Variants in INO80D observed in about 807,000 individuals in gnomAD.
INO80D encodes the protein INO80 complex subunit D.
INO80D carries 21 observed loss-of-function variants against 87.6 expected under a neutral mutation model. The ratio of observed to expected loss-of-function variants is 0.24; its 90% CI spans 0.17 to 0.35. The LOEUF is 0.35. INO80D is among the 10% of genes least tolerant of loss of function. The pLI is 1.00. For missense variants in INO80D, 982 were observed against 1,280.7 expected, an observed-to-expected ratio of 0.77 and a Z score of 3.56; for synonymous variants, 440 against 491.0, an observed-to-expected ratio of 0.90 and a Z score of 1.37.
Position 206,009,667 on chromosome 2 carries a change from C to A in INO80D, c.1670G>T (p.Arg557Leu), listed in dbSNP as rs756238431. The change falls in exon 9 of 11, where the codon CGA becomes CTA. Residue 557 changes from arginine to leucine, a missense_variant. Arg to Leu is a moderately radical substitution (Grantham distance 102). Transcript: ENST00000403263. ...TGCAGGTGGAATGGGTTTTTGGGGTCGACGAGGTCCACGCCTTCTCTTCTT... is the reference window on the plus strand; with the variant it reads ...TGCAGGTGGAATGGGTTTTTGGGGTAGACGAGGTCCACGCCTTCTCTTCTT... ...HKKKRRRGPR[R>L]PQKPIPPAVP... 1 of 1,613,912 alleles carries A rather than the reference C, an allele frequency of 6.2e-7. No individual in the cohort carries two copies. Among genetic ancestry groups the A allele is most frequent in the Non-Finnish European group, 8.5e-7 (1 of 1,179,888 alleles).
At chr2:206,038,172 C>G (rs1370130328) in intron 5 of INO80D, among the ~76,000 whole-genome samples, 1 of 152,168 alleles carries the variant, frequency 6.6e-6, no homozygotes, top group Non-Finnish European at 1.5e-5. Context: ...AAAGCCCTGA[C>G]TTGATCACTA....
At chr2:206,035,051 C>T (rs192997926) in intron 5 of INO80D, among the ~76,000 whole-genome samples, 1 of 152,174 alleles carries the variant, frequency 6.6e-6, no homozygotes, top group Non-Finnish European at 1.5e-5. Flanking sequence ...CGAAAGACCT[C>T]TACAAGGAAA....
Position 206,056,380 on chromosome 2 carries a change from T to C in INO80D, c.782A>G (p.Lys261Arg). 6.2e-7 allele frequency: 1 copy of C among 1,613,878 alleles called. No individual in the cohort carries two copies. Among genetic ancestry groups the C allele is most frequent in the Non-Finnish European group, 8.5e-7 (1 of 1,179,852 alleles). ...TIAQARQLSHKRPLPLLPSSR... is the reference protein window; with the variant it reads ...TIAQARQLSHRRPLPLLPSSR... ...GGATGGCAGGAGGGGCAGAGGCCTCTTGTGAGACAACTGCCGTGCTTGTGC... is the reference window on the plus strand; with the variant it reads ...GGATGGCAGGAGGGGCAGAGGCCTCCTGTGAGACAACTGCCGTGCTTGTGC... The change falls in exon 4 of 11, where the codon AAG (lysine) becomes AGG (arginine). Residue 261 changes from lysine (K) to arginine (R), a missense_variant. By Grantham distance (26) the Lys-to-Arg change is conservative. Transcript: ENST00000403263.
At chr2:206,043,786 G>A (rs565026006) in intron 5 of INO80D, among the ~76,000 whole-genome samples, 144 of 151,758 alleles carry the variant, frequency 9.5e-4, no homozygotes, top group African/African-American at 3.3e-3. Context: ...GTGCCTGGCC[G>A]AGGTAGGGCC....
In INO80D at chr2:206,003,205, C is replaced by A. The variant is rs1277047078; in HGVS notation, c.*1163G>T. 1 of 152,172 alleles carries A rather than the reference C, an allele frequency of 6.6e-6. No homozygotes were observed. The highest frequency in any genetic ancestry group is 2.4e-5 in the African/African-American group (1 of 41,450). 9.4% of individuals were successfully genotyped at this position (152,172 alleles called of 1,614,324 possible). On this transcript the variant is annotated 3_prime_UTR_variant, in exon 11 of 11. Coordinates refer to ENST00000403263, the MANE Select transcript of INO80D (RefSeq NM_017759.5). ...TGTGTATCCTTCAGATATTACACATCACTTCACAACTGGTACACTGATTCT... is the reference window on the plus strand; with the variant it reads ...TGTGTATCCTTCAGATATTACACATAACTTCACAACTGGTACACTGATTCT...
intron 3 of INO80D, among the ~76,000 whole-genome samples, chr2:206,061,994 C>T (rs1021666386): frequency 2.0e-5 from 3 of 152,104 alleles, no homozygotes; most frequent in African/African-American, 7.2e-5. Context: ...AAAAGAAGCA[C>T]AGAGAAGAGA....
At chr2:206,066,692 C>T (rs1275815905) in intron 1 of INO80D, among the ~76,000 whole-genome samples, 1 of 151,478 alleles carries the variant, frequency 6.6e-6, no homozygotes, top group Non-Finnish European at 1.5e-5. Context: ...GTAATCCCAG[C>T]TACTCGGGAG....
intron 3 of INO80D, among the ~76,000 whole-genome samples, chr2:206,057,731 G>A (rs1575861525): frequency 6.6e-6 from 1 of 151,992 alleles, no homozygotes; most frequent in East Asian, 1.9e-4. Flanking sequence ...TTGGGTGATG[G>A]TTGCACCAGG....
chr2:206,012,365 G>A (rs969439961), intron 8 of INO80D, among the ~76,000 whole-genome samples: 1 of 152,088 alleles, frequency 6.6e-6, no homozygotes, highest in Non-Finnish European at 1.5e-5. Context: ...ACACTCAAAA[G>A]TGAATTCAAT....
At chr2:206,067,056 T>G (rs1248293741) in intron 1 of INO80D, among the ~76,000 whole-genome samples, 1 of 150,662 alleles carries the variant, frequency 6.6e-6, no homozygotes, top group South Asian at 2.1e-4. Flanking sequence ...GAGACCAGCC[T>G]GGCCAACATG....
chr2:206,060,818 C>T (rs539229893), intron 3 of INO80D, among the ~76,000 whole-genome samples: 2 of 152,166 alleles, frequency 1.3e-5, no homozygotes, highest in East Asian at 3.9e-4. Context: ...CCTCGGCCTC[C>T]CAAAGTGCTG....
At chr2:206,007,821 C>CAA (rs200081611) in intron 9 of INO80D, 7 of 75,214 alleles carry the variant, frequency 9.3e-5, no homozygotes, top group Non-Finnish European at 1.5e-4. Context: ...GACTCTGTCT[C>CAA]AAAAAAAAAA....
chr2:206,024,237 C>T (rs1039564438), intron 6 of INO80D, among the ~76,000 whole-genome samples: 2 of 152,110 alleles, frequency 1.3e-5, no homozygotes, highest in Non-Finnish European at 2.9e-5. Context: ...GATTTAGGAA[C>T]AAACTTTTTC....
intron 6 of INO80D, among the ~76,000 whole-genome samples, chr2:206,021,688 C>T (rs745562130): frequency 3.3e-5 from 5 of 152,186 alleles, no homozygotes; most frequent in Non-Finnish European, 5.9e-5. Context: ...TCTCGACTCA[C>T]TGCAACCCTC....
chr2:206,007,183 C>T, intron 10 of INO80D, 101 bp downstream of exon 10: 1 of 976,974 alleles, frequency 1.0e-6, no homozygotes, highest in Non-Finnish European at 1.5e-6. Context: ...AAAGACATTA[C>T]ATGTGAGGAG....
intron 1 of INO80D, among the ~76,000 whole-genome samples, chr2:206,075,790 A>G (rs1690100573): frequency 6.6e-6 from 1 of 151,140 alleles, no homozygotes; most frequent in African/African-American, 2.4e-5. Flanking sequence ...GCAGTGGCTC[A>G]TGCCTGTAAT....
chr2:206,045,580 A>G (rs991484580), intron 5 of INO80D, among the ~76,000 whole-genome samples: 6 of 152,196 alleles, frequency 3.9e-5, no homozygotes, highest in African/African-American at 1.2e-4. Context: ...TGTGCATTCA[A>G]CTTCTACAGA....
intron 8 of INO80D, among the ~76,000 whole-genome samples, chr2:206,014,190 A>T (rs1025211732): frequency 3.9e-5 from 6 of 152,102 alleles, no homozygotes; most frequent in Non-Finnish European, 8.8e-5. Flanking sequence ...TATATTTTAA[A>T]TGTTTTTATA....
chr2:206,059,853 G>A (rs778652323), intron 3 of INO80D, among the ~76,000 whole-genome samples: 1 of 152,128 alleles, frequency 6.6e-6, no homozygotes, highest in Non-Finnish European at 1.5e-5. Context: ...AGAAAGAGGC[G>A]TCTGGGATAA....
Sources: allele counts gnomAD v4.1 joint callset (sites outside exome capture counted in the v4.1 genomes callset), GRCh38; gene constraint gnomAD v4.1.1; transcripts MANE v1.5; gene names NCBI Gene and HGNC (gene_info 2026-07-23, HGNC 2026-07-21).